MIAT: variants seen among roughly 807,000 people sequenced by gnomAD.
MIAT encodes myocardial infarction associated transcript.
intron 2 of MIAT, among the ~76,000 whole-genome samples, chr22:26,658,570 G>A (rs1056889083): frequency 6.6e-6 from 1 of 152,186 alleles, no homozygotes; most frequent in Non-Finnish European, 1.5e-5. Context: ...GGGAAGAAAG[G>A]GGCCAGACCT....
exon 5 of MIAT, chr22:26,675,368 T>C (rs1931223294): frequency 2.5e-6 from 1 of 398,674 alleles, no homozygotes; most frequent in African/African-American, 2.1e-5. Flanking sequence ...AGTTTAGATT[T>C]TATCCTTAGG....
exon 5 of MIAT, chr22:26,675,807 G>A (rs912800580): frequency 5.0e-6 from 2 of 398,560 alleles, no homozygotes; most frequent in Non-Finnish European, 8.8e-6. Context: ...TACAAGTGTG[G>A]AGTAAGCTTG....
chr22:26,672,617 T>C (rs1931090456), downstream of MIAT: 1 of 399,022 alleles, frequency 2.5e-6, no homozygotes, highest in Admixed American at 4.4e-5. Context: ...ATCCTCTCCA[T>C]TGTTAAGTGA....
chr22:26,648,926 C>CGAGACA (rs1930288227), intron 2 of MIAT, among the ~76,000 whole-genome samples: 1 of 109,322 alleles, frequency 9.1e-6, no homozygotes, highest in East Asian at 2.7e-4. Flanking sequence ...AGCGAGAGAG[C>CGAGACA]GAGACAGAGA....
At chr22:26,654,739 G>A (rs576157691) in intron 2 of MIAT, among the ~76,000 whole-genome samples, 1 of 152,020 alleles carries the variant, frequency 6.6e-6, no homozygotes, top group Non-Finnish European at 1.5e-5. Flanking sequence ...TTGAGACAGA[G>A]TCTCACTTTG....
At chr22:26,673,140 G>A (rs1239136533), downstream of MIAT, 8 of 398,524 alleles carry the variant, frequency 2.0e-5, no homozygotes, top group Non-Finnish European at 3.5e-5. Context: ...GAGAAGTGGG[G>A]AGCAAGAAGT....
downstream of MIAT, chr22:26,671,530 C>A (rs575540458): frequency 1.3e-5 from 5 of 398,700 alleles, no homozygotes; most frequent in Middle Eastern, 6.3e-4. Flanking sequence ...ACCACCCCCC[C>A]GCAGCCAGAT....
intron 2 of MIAT, among the ~76,000 whole-genome samples, chr22:26,656,840 G>C (rs1273995939): frequency 8.4e-6 from 1 of 119,510 alleles, no homozygotes; most frequent in Non-Finnish European, 1.8e-5. Context: ...CCAGGAGTTC[G>C]GGGGGGTGCG....
chr22:26,655,130 T>C (rs751684260), intron 2 of MIAT, among the ~76,000 whole-genome samples: 1 of 152,224 alleles, frequency 6.6e-6, no homozygotes, highest in Non-Finnish European at 1.5e-5. Context: ...CTCTTTCACA[T>C]GGGTCTTACC....
chr22:26,666,626 CTGT>C (rs1930851794), exon 4 of MIAT: 1 of 398,684 alleles, frequency 2.5e-6, no homozygotes, highest in African/African-American at 2.1e-5. Context: ...TCACATTCTG[CTGT>C]TGTTGGGAAA....
At chr22:26,651,173 A>C (rs181177932) in intron 2 of MIAT, among the ~76,000 whole-genome samples, 13 of 152,348 alleles carry the variant, frequency 8.5e-5, no homozygotes, top group Middle Eastern at 3.4e-3. Context: ...CCTCTGCTCT[A>C]CAATCACTCA....
chr22:26,657,717 C>G, intron 2 of MIAT: 1 of 398,626 alleles, frequency 2.5e-6, no homozygotes, highest in African/African-American at 2.1e-5. Context: ...TAACGGGGAA[C>G]AGCCTAATTC....
At chr22:26,674,967 T>C (rs769276558) in exon 5 of MIAT, 149 of 398,636 alleles carry the variant, frequency 3.7e-4, no homozygotes, top group Non-Finnish European at 5.9e-4. Flanking sequence ...ATGGGTGTTA[T>C]GATTGGTCAG....
intron 2 of MIAT, among the ~76,000 whole-genome samples, chr22:26,652,366 T>A: frequency 6.6e-6 from 1 of 151,674 alleles, no homozygotes; most frequent in East Asian, 1.9e-4. Context: ...ATTCATTTAT[T>A]TTTTTTTTGA....
At chr22:26,659,071 T>C (rs994321735) in intron 2 of MIAT, among the ~76,000 whole-genome samples, 1 of 152,094 alleles carries the variant, frequency 6.6e-6, no homozygotes, top group Non-Finnish European at 1.5e-5. Context: ...AGCAGATGTC[T>C]GAGCCACGTG....
At chr22:26,652,118 C>T (rs1337656268) in intron 2 of MIAT, among the ~76,000 whole-genome samples, 6 of 152,158 alleles carry the variant, frequency 3.9e-5, no homozygotes, top group South Asian at 2.1e-4. Flanking sequence ...CTCAGCCGTC[C>T]ACGTAGCTGG....
chr22:26,666,007 A>T (rs1372421076), exon 4 of MIAT: 1 of 398,536 alleles, frequency 2.5e-6, no homozygotes, highest in Non-Finnish European at 4.4e-6. Flanking sequence ...AACCTTGGAC[A>T]GGGCTCCTTG....
At chr22:26,671,335 C>T (rs1212143705), downstream of MIAT, 6 of 398,714 alleles carry the variant, frequency 1.5e-5, no homozygotes, top group Admixed American at 1.3e-4. Context: ...CCTGGTCAGG[C>T]CCCACTCCCT....
intron 2 of MIAT, among the ~76,000 whole-genome samples, chr22:26,651,924 A>T (rs756035956): frequency 2.6e-5 from 4 of 152,196 alleles, no homozygotes; most frequent in Non-Finnish European, 4.4e-5. Context: ...TCGTGAATGT[A>T]CTCAGGGCCA....
Sources: gnomAD v4.1 joint callset for allele counts (sites outside exome capture counted in the v4.1 genomes callset) on GRCh38, gnomAD v4.1.1 for gene constraint, MANE v1.5 for transcripts, NCBI Gene and HGNC (gene_info 2026-07-23, HGNC 2026-07-21) for gene names.